Variants in SUN3 observed in about 807,000 individuals in gnomAD.
The protein encoded by SUN3 is Sad1 and UNC84 domain containing 3, also known as SUN domain-containing protein 3.
SUN3 carries 36 observed loss-of-function variants against 48.2 expected under a neutral mutation model. That is an observed-to-expected ratio of 0.75 (90% confidence interval 0.57 to 0.99). The LOEUF is 0.99. Among genes scored for constraint, SUN3 ranks in the 50% least tolerant of loss-of-function variants. SUN3 has a pLI of 0.00. For synonymous variants in SUN3, 148 were observed against 147.9 expected, an observed-to-expected ratio of 1.00 and a Z score of 0.00; for missense variants, 419 against 433.1, an observed-to-expected ratio of 0.97 and a Z score of 0.29.
chr7:48,005,850 T>C lies in SUN3; in HGVS notation c.577+119A>G, dbSNP rs533669620. The stretch of plus-strand genomic sequence containing the variant: ...TCTTTATTATCTAAATTGATTAATT[T>C]CCCCCCCCCAAGTTACCAGATAAAT... On this transcript the variant is annotated intron_variant, in intron 6 of 9. Coordinates refer to ENST00000297325, the MANE Select transcript of SUN3 (RefSeq NM_001030019.2). 512 of 450,438 alleles carry C rather than the reference T, an allele frequency of 1.1e-3. 4 individuals carry two copies. Among genetic ancestry groups the C allele is most frequent in the African/African-American group, 0.01 (461 of 45,166 alleles). 27.9% of individuals were successfully genotyped at this position (450,438 alleles called of 1,614,324 possible).
chr7:47,988,939 A>T, intron 8 of SUN3, 59 bp from the exon 9 acceptor site: 1 of 1,035,730 alleles, frequency 9.7e-7, no homozygotes, highest in Non-Finnish European at 1.5e-6. Context: ...GTGTTTTCAA[A>T]AAGAACCAAC....
chr7:47,991,772 C>T (rs929499067), intron 8 of SUN3, among the ~76,000 whole-genome samples: 1 of 152,054 alleles, frequency 6.6e-6, no homozygotes, highest in African/African-American at 2.4e-5. Flanking sequence ...GGAGGGTGTC[C>T]ATGTGGGGAG....
At chr7:48,022,886 GA>G (rs1051230833) in intron 2 of SUN3, among the ~76,000 whole-genome samples, 1 of 151,664 alleles carries the variant, frequency 6.6e-6, no homozygotes, top group African/African-American at 2.4e-5. Context: ...AGCGTTGAAA[GA>G]AAAAAAATTC....
intron 6 of SUN3, among the ~76,000 whole-genome samples, chr7:47,998,244 T>C (rs1789265521): frequency 6.6e-6 from 1 of 152,046 alleles, no homozygotes; most frequent in South Asian, 2.1e-4. Flanking sequence ...GTATGGTCGG[T>C]TTTGTTTTGT....
At chr7:47,989,944 T>G (rs1789005223) in intron 8 of SUN3, among the ~76,000 whole-genome samples, 1 of 152,316 alleles carries the variant, frequency 6.6e-6, no homozygotes, top group South Asian at 2.1e-4. Flanking sequence ...TACTCTCAAG[T>G]ACCCAGGGAC....
chr7:48,009,161 T>G, intron 3 of SUN3, 86 bp from the exon 4 acceptor site: 1 of 1,336,528 alleles, frequency 7.5e-7, no homozygotes, highest in Non-Finnish European at 1.1e-6. Context: ...GGGAAATAAA[T>G]AGCACATTGA....
upstream of SUN3, among the ~76,000 whole-genome samples, chr7:48,031,832 G>GCACACACACACACA (rs3073706): frequency 8.5e-3 from 1,216 of 142,306 alleles, 17 homozygotes; most frequent in African/African-American, 0.027. Flanking sequence ...TGTGATTTAT[G>GCACACACACACACA]CACACACACA....
chr7:48,006,557 A>C (rs1245082519), intron 5 of SUN3, among the ~76,000 whole-genome samples: 1 of 152,080 alleles, frequency 6.6e-6, no homozygotes, highest in South Asian at 2.1e-4. Context: ...AAAAACGAAC[A>C]AACAAACAAA....
At chr7:48,022,011 A>G (rs1287609020) in intron 2 of SUN3, among the ~76,000 whole-genome samples, 1 of 152,160 alleles carries the variant, frequency 6.6e-6, no homozygotes, top group Non-Finnish European at 1.5e-5. Flanking sequence ...AAGATTTGGA[A>G]GCAACCTAAG....
chr7:48,023,534 A>G (rs1790057883), intron 2 of SUN3, among the ~76,000 whole-genome samples: 1 of 152,146 alleles, frequency 6.6e-6, no homozygotes, highest in South Asian at 2.1e-4. Context: ...AAGGTATAAG[A>G]TATAGATTTT....
At chr7:47,993,107 T>A (rs1261342799) in intron 8 of SUN3, among the ~76,000 whole-genome samples, 1 of 152,144 alleles carries the variant, frequency 6.6e-6, no homozygotes, top group Admixed American at 6.5e-5. Flanking sequence ...AAGCAATTAT[T>A]ACACTCAGAA....
At position 48,029,089 on chromosome 7, in the gene SUN3, G is replaced by T; in HGVS notation, c.-151C>A. 3 of 1,151,368 alleles carry T rather than the reference G, an allele frequency of 2.6e-6. No individual in the cohort carries two copies. Among genetic ancestry groups the T allele is most frequent in the Non-Finnish European group, 3.6e-6 (3 of 829,478 alleles). 71.3% of individuals were successfully genotyped at this position (1,151,368 alleles called of 1,614,324 possible). Reference sequence around the variant, plus strand: ...TCCACGGGTGTTTCTTCTTGAAGACGGAATTTTGAAAAGCTTCTGATTCTT... The same window carrying T: ...TCCACGGGTGTTTCTTCTTGAAGACTGAATTTTGAAAAGCTTCTGATTCTT... On this transcript the variant is annotated 5_prime_UTR_variant, in exon 1 of 10. Transcript: ENST00000297325.
rs1225211193 is a variant in SUN3, at chr7:47,996,159, A to C, written c.578-13T>G. ...ATGATGGAGGCTCCTAAAATTATAA[A>C]GTAAGTTGTAAAATAAAGAAACAAC... On this transcript the variant is annotated splice_polypyrimidine_tract_variant and intron_variant, in intron 6 of 9. Transcript: ENST00000297325. The C allele has an allele frequency of 7.1e-7, 1 of 1,404,272 alleles. No individual in the cohort carries two copies. The highest frequency in any genetic ancestry group is 2.3e-5 in the East Asian group (1 of 42,618). 87.0% of individuals were successfully genotyped at this position (1,404,272 alleles called of 1,614,324 possible). A position where few individuals can be genotyped will look rare whatever the true frequency, so the allele number is the denominator to read the frequency against.
chr7:48,015,446 G>A (rs1161726678), intron 3 of SUN3, among the ~76,000 whole-genome samples: 1 of 152,102 alleles, frequency 6.6e-6, no homozygotes, highest in Non-Finnish European at 1.5e-5. Context: ...GAATGCTGTG[G>A]GCATCATACA....
Position 48,022,956 on chromosome 7 carries a change from G to A in SUN3, c.184+2921C>T, listed in dbSNP as rs552708748. 9.5e-4 allele frequency among the ~76,000 whole-genome samples: 144 copies of A among 152,154 alleles called. No homozygotes were observed. The Middle Eastern group carries it at 0.017, about 18-fold the overall frequency. On this transcript the variant is annotated intron_variant, in intron 2 of 9. Coordinates refer to ENST00000297325, the MANE Select transcript of SUN3 (RefSeq NM_001030019.2). ...AAAAATTAACATATTCTAAGATAAA[G>A]AAAAGCTCATGGTGTCTCTATGACT... is the stretch of plus-strand genomic sequence containing the variant.
intron 2 of SUN3, among the ~76,000 whole-genome samples, chr7:48,020,706 C>T (rs890910106): frequency 9.2e-5 from 14 of 151,914 alleles, no homozygotes; most frequent in African/African-American, 2.7e-4. Context: ...CAAACAAAAT[C>T]AAATACCTAG....
chr7:47,991,653 A>G (rs1269558387), intron 8 of SUN3, among the ~76,000 whole-genome samples: 2 of 152,174 alleles, frequency 1.3e-5, no homozygotes, highest in Non-Finnish European at 2.9e-5. Context: ...GAAAAACCAA[A>G]AAGTGAAGAT....
chr7:48,017,041 G>A (rs374028554), intron 3 of SUN3, among the ~76,000 whole-genome samples: 12 of 152,244 alleles, frequency 7.9e-5, no homozygotes, highest in African/African-American at 2.4e-4. Context: ...CTTTTTAAAG[G>A]TCTTACCTCT....
At chr7:47,991,704 G>A (rs1419375798) in intron 8 of SUN3, among the ~76,000 whole-genome samples, 4 of 152,114 alleles carry the variant, frequency 2.6e-5, no homozygotes, top group African/African-American at 9.7e-5. Context: ...AAACTACTCG[G>A]GCTGTACGTG....
Sources: gnomAD v4.1 joint callset for allele counts (sites outside exome capture counted in the v4.1 genomes callset) on GRCh38, gnomAD v4.1.1 for gene constraint, MANE v1.5 for transcripts, NCBI Gene and HGNC (gene_info 2026-07-23, HGNC 2026-07-21) for gene names.